Variants in RAB8B observed in about 807,000 individuals in gnomAD.
RAB8B encodes RAB8B, member RAS oncogene family.
Under a neutral mutation model 32.0 loss-of-function variants are expected in RAB8B, and 11 were observed. The observed-to-expected ratio is 0.34, with a 90% CI of 0.22 to 0.57. The LOEUF is 0.57. Ranked by LOEUF, RAB8B falls within the 20% of genes least tolerant of loss-of-function variation. The pLI is 0.86. For synonymous variants in RAB8B, 103 were observed against 89.6 expected, an observed-to-expected ratio of 1.15 and a Z score of -0.85; for missense variants, 190 against 258.5, an observed-to-expected ratio of 0.73 and a Z score of 1.82.
chr15:63,246,715 T>C (rs538757792), intron 2 of RAB8B, among the ~76,000 whole-genome samples: 1 of 152,298 alleles, frequency 6.6e-6, no homozygotes, highest in South Asian at 2.1e-4. Flanking sequence ...TCGTGGGCCA[T>C]TGGTGATTAA....
At chr15:63,192,043 G>A (rs189965407) in intron 1 of RAB8B, among the ~76,000 whole-genome samples, 1 of 152,314 alleles carries the variant, frequency 6.6e-6, no homozygotes, top group Admixed American at 6.5e-5. Context: ...TGAATCTCAT[G>A]TGACATCTTG....
At chr15:63,250,028 C>T (rs951635094) in intron 3 of RAB8B, among the ~76,000 whole-genome samples, 11 of 152,046 alleles carry the variant, frequency 7.2e-5, no homozygotes, top group African/African-American at 2.2e-4. Context: ...CCCAGCTACT[C>T]GGGAGGCTGA....
chr15:63,267,747 AAAAT>A lies in RAB8B; in HGVS notation c.*4132_*4135del, dbSNP rs1170797304. The A allele has an allele frequency of 6.6e-6, 1 of 152,164 alleles. No homozygotes were observed. The highest frequency in any genetic ancestry group is 2.4e-5 in the African/African-American group (1 of 41,426). The allele number at this position is 152,164 out of a possible 1,614,324, so 9.4% of individuals were successfully genotyped here. On this transcript the variant is annotated 3_prime_UTR_variant, in exon 8 of 8. Transcript: ENST00000321437. ...TTTTTTTTTATAATAATGTTCGTCT[AAAAT>A]AAAAACTACATAATGAAAATGAAAA...
intron 1 of RAB8B, among the ~76,000 whole-genome samples, chr15:63,208,289 T>C (rs769204066): frequency 2.0e-5 from 3 of 152,064 alleles, no homozygotes; most frequent in Non-Finnish European, 2.9e-5. Context: ...AGTGTAAGGG[T>C]TTTAGAGGCC....
chr15:63,257,284 A>G (rs1272685693), intron 5 of RAB8B, among the ~76,000 whole-genome samples: 5 of 150,630 alleles, frequency 3.3e-5, no homozygotes, highest in Admixed American at 6.6e-5. Context: ...TTTTGAGACA[A>G]AGTCTTGCTC....
At chr15:63,201,015 G>A (rs1176532680) in intron 1 of RAB8B, among the ~76,000 whole-genome samples, 1 of 152,008 alleles carries the variant, frequency 6.6e-6, no homozygotes, top group Admixed American at 6.6e-5. Context: ...GGAGTGGCTG[G>A]GGGTGGGTGA....
chr15:63,203,538 G>T (rs1285020794), intron 1 of RAB8B, among the ~76,000 whole-genome samples: 1 of 152,238 alleles, frequency 6.6e-6, no homozygotes, highest in African/African-American at 2.4e-5. Flanking sequence ...TTCACTGAGG[G>T]TAGGTCCAGA....
intron 7 of RAB8B, among the ~76,000 whole-genome samples, chr15:63,263,306 C>G (rs1214199301): frequency 6.6e-6 from 1 of 152,106 alleles, no homozygotes; most frequent in Non-Finnish European, 1.5e-5. Flanking sequence ...ATAAAAGCTG[C>G]TATCGTAAGG....
chr15:63,228,226 A>G (rs998076527), intron 1 of RAB8B, among the ~76,000 whole-genome samples: 1 of 152,082 alleles, frequency 6.6e-6, no homozygotes, highest in African/African-American at 2.4e-5. Context: ...TTGTGGCCCA[A>G]GCTGGTCTCA....
At chr15:63,213,873 G>A (rs886319784) in intron 1 of RAB8B, among the ~76,000 whole-genome samples, 10 of 152,146 alleles carry the variant, frequency 6.6e-5, no homozygotes, top group African/African-American at 2.2e-4. Flanking sequence ...ACGAGGTCAG[G>A]AGTTCGAGAC....
At chr15:63,236,530 A>G (rs1018466712) in intron 1 of RAB8B, among the ~76,000 whole-genome samples, 1 of 152,190 alleles carries the variant, frequency 6.6e-6, no homozygotes. Flanking sequence ...ACTCAGGGTC[A>G]TCATTTTGAA....
At chr15:63,220,430 A>T (rs1401932577) in intron 1 of RAB8B, among the ~76,000 whole-genome samples, 1 of 150,104 alleles carries the variant, frequency 6.7e-6, no homozygotes, top group Non-Finnish European at 1.5e-5. Flanking sequence ...CATGAAGTCA[A>T]TTTACTGTGT....
chr15:63,239,802 T>TAC lies in RAB8B; in HGVS notation c.125-4950_125-4949dup, dbSNP rs113543302. Among the ~76,000 whole-genome samples, 126 of 152,342 alleles carry TAC rather than the reference T, an allele frequency of 8.3e-4. 1 individual carries two copies. The highest frequency in any genetic ancestry group is 2.9e-3 in the African/African-American group (121 of 41,580). On this transcript the variant is annotated intron_variant, in intron 1 of 7. Coordinates refer to ENST00000321437, the MANE Select transcript of RAB8B (RefSeq NM_016530.3). ...TACCTACCCTTTAATTTAGTTACTGTACACATGTTTCTGTGCACAACTTAA... is the reference window on the plus strand; with the variant it reads ...TACCTACCCTTTAATTTAGTTACTGTACACACATGTTTCTGTGCACAACTTAA...
intron 1 of RAB8B, among the ~76,000 whole-genome samples, chr15:63,234,749 C>T (rs1410635691): frequency 6.6e-6 from 1 of 152,192 alleles, no homozygotes; most frequent in African/African-American, 2.4e-5. Flanking sequence ...CCTGCCTTCT[C>T]CTCAGAGGTG....
intron 1 of RAB8B, among the ~76,000 whole-genome samples, chr15:63,227,246 C>T (rs911017192): frequency 6.6e-6 from 1 of 152,168 alleles, no homozygotes; most frequent in African/African-American, 2.4e-5. Context: ...TCACACGCCT[C>T]TGACATTTGC....
chr15:63,242,519 A>T (rs906908803), intron 1 of RAB8B, among the ~76,000 whole-genome samples: 3 of 152,100 alleles, frequency 2.0e-5, no homozygotes, highest in Non-Finnish European at 4.4e-5. Flanking sequence ...TCCACTAAAA[A>T]TACAAAAAAT....
chr15:63,197,986 A>G (rs1477388079), intron 1 of RAB8B, among the ~76,000 whole-genome samples: 1 of 152,232 alleles, frequency 6.6e-6, no homozygotes, highest in African/African-American at 2.4e-5. Flanking sequence ...TAATATTATT[A>G]GTAAATAATT....
chr15:63,234,343 A>C (rs1297128676), intron 1 of RAB8B, among the ~76,000 whole-genome samples: 1 of 152,228 alleles, frequency 6.6e-6, no homozygotes, highest in Admixed American at 6.5e-5. Context: ...TATTCTCTTG[A>C]AACAGAAAAG....
intron 1 of RAB8B, among the ~76,000 whole-genome samples, chr15:63,216,103 G>A (rs1435052197): frequency 1.3e-5 from 2 of 151,782 alleles, no homozygotes; most frequent in Admixed American, 1.3e-4. Flanking sequence ...AGCACCATAT[G>A]ATGTGTTTTT....
Sources: gnomAD v4.1 joint callset for allele counts (sites outside exome capture counted in the v4.1 genomes callset) on GRCh38, gnomAD v4.1.1 for gene constraint, MANE v1.5 for transcripts, NCBI Gene and HGNC (gene_info 2026-07-23, HGNC 2026-07-21) for gene names.